Variants in PCDHGC5 observed in about 807,000 individuals in gnomAD.
The protein encoded by PCDHGC5 is protocadherin gamma-C5.
In PCDHGC5, 25 loss-of-function variants were observed where a neutral mutation model predicts 59.0. The observed-to-expected ratio is 0.42, with a 90% CI of 0.31 to 0.59. PCDHGC5 has a LOEUF of 0.59. Among genes scored for constraint, PCDHGC5 ranks in the 20% least tolerant of loss-of-function variants. The pLI is 0.13. For synonymous variants in PCDHGC5, 434 were observed against 505.5 expected (o/e 0.86, Z 1.90); for missense variants, 1,067 against 1,206.4 (o/e 0.88, Z 1.71).
In PCDHGC5 at chr5:141,500,452, G is replaced by A. The variant is rs554196222; in HGVS notation, c.2520-4941G>A. 2.6e-3 allele frequency among the ~76,000 whole-genome samples: 398 copies of A among 151,620 alleles called. 2 individuals carry two copies. The highest frequency in any genetic ancestry group is 0.021 in the South Asian group (99 of 4,798). On this transcript the variant is annotated intron_variant, in intron 2 of 3. Transcript: ENST00000252087. ...TCTCGATCTCCTGACCTCGTGATCC[G>A]CCCGCCTCGGCCTCCCAAAGTGCTG... is the stretch of plus-strand genomic sequence containing the variant.
intron 3 of PCDHGC5, 62 bp downstream of exon 3, chr5:141,505,543 C>T: frequency 6.2e-7 from 1 of 1,609,636 alleles, no homozygotes; most frequent in Non-Finnish European, 8.5e-7. Flanking sequence ...GTGCATCTCA[C>T]AGCCACCATG....
chr5:141,506,435 G>A (rs1470687416), intron 3 of PCDHGC5, among the ~76,000 whole-genome samples: 7 of 126,234 alleles, frequency 5.5e-5, no homozygotes, highest in African/African-American at 2.0e-4. Context: ...CAACAGTCTC[G>A]CTCTGTCTCA....
intron 2 of PCDHGC5, among the ~76,000 whole-genome samples, chr5:141,503,456 A>G (rs920770738): frequency 1.3e-5 from 2 of 152,058 alleles, no homozygotes; most frequent in African/African-American, 4.8e-5. Context: ...TTCGCTGGGC[A>G]TGGTGGCATG....
chr5:141,491,500 G>A lies in PCDHGC5; in HGVS notation c.2260G>A (p.Asp754Asn). ...QSSPNLQVSS[D>N]GTLKYMEVTL... ...CAGCCCCAACCTGCAGGTGAGCTCG[G>A]ACGGCACGCTCAAGTACATGGAGGT... Residue 754 changes from aspartate to asparagine, a missense_variant, in exon 1 of 4, where the codon GAC becomes AAC. Transcript: ENST00000252087. The surrounding 1 kb of genome is among the most constrained non-coding windows in gnomAD (Gnocchi z 6.9). 3 of 1,614,102 alleles carry A rather than the reference G, an allele frequency of 1.9e-6. No homozygotes were observed. The highest frequency in any genetic ancestry group is 2.7e-5 in the African/African-American group (2 of 75,066).
rs4042104 is a variant in PCDHGC5 at position 141,489,091 on chromosome 5, T to TAAG, written c.-147_-145dup. On this transcript the variant is annotated 5_prime_UTR_variant, in exon 1 of 4. Transcript: ENST00000252087. This position sits in a 1 kb window ranked among gnomAD's most constrained non-coding sequence, Gnocchi z 4.5. Reference sequence around the variant, plus strand: ...CTGCCCACCCCCGCCACTCGGTGACTAAGAACTGCTGCAAGCAGGCAAACC... The same window carrying TAAG: ...CTGCCCACCCCCGCCACTCGGTGACTAAGAAGAACTGCTGCAAGCAGGCAAACC... 136,009 of 332,164 alleles carry TAAG rather than the reference T, an allele frequency of 0.41. 28,517 individuals are homozygous for TAAG. The highest frequency in any genetic ancestry group is 0.54 in the Admixed American group (11,651 of 21,676). The allele number at this position is 332,164 out of a possible 1,614,324, so 20.6% of individuals were successfully genotyped here.
intron 3 of PCDHGC5, among the ~76,000 whole-genome samples, chr5:141,509,056 G>A (rs1303823294): frequency 1.3e-5 from 2 of 152,178 alleles, no homozygotes; most frequent in Admixed American, 6.5e-5. Context: ...CCCCCAGAAA[G>A]CTCTCAGCTC....
chr5:141,505,294 G>A, intron 2 of PCDHGC5, 99 bp from the exon 3 acceptor site: 1 of 1,572,086 alleles, frequency 6.4e-7, no homozygotes, highest in Non-Finnish European at 8.6e-7. Flanking sequence ...GCATGGGGTA[G>A]GGTTAGGGTA....
At chr5:141,500,026 T>G (rs1297397353) in intron 2 of PCDHGC5, among the ~76,000 whole-genome samples, 1 of 151,974 alleles carries the variant, frequency 6.6e-6, no homozygotes, top group Non-Finnish European at 1.5e-5. Flanking sequence ...TATATTTGAG[T>G]GAGTGTCTCT....
At chr5:141,501,116 C>T (rs1325487254) in intron 2 of PCDHGC5, among the ~76,000 whole-genome samples, 1 of 152,154 alleles carries the variant, frequency 6.6e-6, no homozygotes, top group Non-Finnish European at 1.5e-5. Flanking sequence ...ATCCGCCTGC[C>T]TCAGCCTCCC....
At position 141,489,097 on chromosome 5, in the gene PCDHGC5, C is replaced by A; in HGVS notation, c.-144C>A. ...ACCCCCGCCACTCGGTGACTAAGAA[C>A]TGCTGCAAGCAGGCAAACCTCCGAG... On this transcript the variant is annotated 5_prime_UTR_variant, in exon 1 of 4. The change creates a new upstream start codon in the 5' untranslated region. Transcript: ENST00000252087. This position sits in a 1 kb window ranked among gnomAD's most constrained non-coding sequence, Gnocchi z 4.5. The A allele has an allele frequency of 2.6e-5, 8 of 313,358 alleles. No homozygotes were observed. Among genetic ancestry groups the A allele is most frequent in the Non-Finnish European group, 3.5e-5 (6 of 172,456 alleles). The allele number at this position is 313,358 out of a possible 1,614,324, so 19.4% of individuals were successfully genotyped here. A position where few individuals can be genotyped will look rare whatever the true frequency, so the allele number is the denominator to read the frequency against.
chr5:141,510,069 CCAGCAGAGTGCCTGG>C (rs994886462), intron 3 of PCDHGC5, among the ~76,000 whole-genome samples: 12 of 152,260 alleles, frequency 7.9e-5, no homozygotes, highest in Admixed American at 7.8e-4. Context: ...TGTGAAGCAT[CCAGCAGAGTGCCTGG>C]CACACAGTAG....
rs1326296096 is a variant in PCDHGC5, at chr5:141,505,460, A to G, written c.2587A>G (p.Met863Val). The change falls in exon 3 of 4, where the codon ATG becomes GTG. Residue 863 changes from methionine to valine, a missense_variant. Transcript: ENST00000252087. Reference protein sequence around the residue: ...NQFDTEMLQAMILASASEAAD... With the variant: ...NQFDTEMLQAVILASASEAAD... ...GTTTGACACAGAGATGCTGCAAGCC[A>G]TGATCTTGGCGTCCGCCAGTGGTAA... 2 of 1,614,070 alleles carry G rather than the reference A, an allele frequency of 1.2e-6. No homozygotes were observed. The highest frequency in any genetic ancestry group is 1.3e-5 in the African/African-American group (1 of 74,942).
In PCDHGC5 at chr5:141,512,088, A is replaced by G. The variant is rs192947391; in HGVS notation, c.*915A>G. 2.6e-5 allele frequency: 4 copies of G among 152,772 alleles called. No individual in the cohort carries two copies. Among genetic ancestry groups the G allele is most frequent in the Admixed American group, 6.5e-5 (1 of 15,306 alleles). 9.5% of individuals were successfully genotyped at this position (152,772 alleles called of 1,614,324 possible). On this transcript the variant is annotated 3_prime_UTR_variant, in exon 4 of 4. Transcript: ENST00000252087. ...TCCTCCAGATTCCAGCCATAAACCAATAACTAGGCTGGACCCTTCCCACTA... is the reference window on the plus strand; with the variant it reads ...TCCTCCAGATTCCAGCCATAAACCAGTAACTAGGCTGGACCCTTCCCACTA...
chr5:141,497,384 A>G (rs2099776099), intron 2 of PCDHGC5, among the ~76,000 whole-genome samples: 1 of 151,900 alleles, frequency 6.6e-6, no homozygotes, highest in African/African-American at 2.4e-5. Context: ...TGGGGTGAGC[A>G]CCTTACCCCT....
rs980122657 is a variant in PCDHGC5, at chr5:141,511,379, C to G, written c.*206C>G. The G allele has an allele frequency of 2.9e-5, 34 of 1,169,842 alleles. No individual in the cohort carries two copies. The highest frequency in any genetic ancestry group is 3.9e-5 in the Non-Finnish European group (33 of 853,834). The allele number at this position is 1,169,842 out of a possible 1,614,324, so 72.5% of individuals were successfully genotyped here. ...GGGGGTTGAATATGCAAAAGCAGTT[C>G]CGCTGGGAACCCCCATCCAATCAAC... On this transcript the variant is annotated 3_prime_UTR_variant, in exon 4 of 4. Transcript: ENST00000252087.
At chr5:141,505,536 C>T (rs749205049) in intron 3 of PCDHGC5, 55 bp downstream of exon 3, 9 of 1,610,164 alleles carry the variant, frequency 5.6e-6, no homozygotes, top group Non-Finnish European at 7.6e-6. Context: ...TTCTGGGGTG[C>T]ATCTCACAGC....
At chr5:141,496,928 G>A (rs2099772685) in intron 2 of PCDHGC5, among the ~76,000 whole-genome samples, 1 of 151,334 alleles carries the variant, frequency 6.6e-6, no homozygotes, top group Non-Finnish European at 1.5e-5. Context: ...GTTCACGCCT[G>A]TAATCCCAGC....
chr5:141,494,678 G>A, intron 1 of PCDHGC5, 129 bp from the exon 2 acceptor site: 1 of 1,554,384 alleles, frequency 6.4e-7, no homozygotes, highest in Non-Finnish European at 8.7e-7. Flanking sequence ...GTCCACCCCT[G>A]CCCCCTCTTA....
At chr5:141,492,859 C>G (rs966216924) in intron 1 of PCDHGC5, among the ~76,000 whole-genome samples, 1 of 152,232 alleles carries the variant, frequency 6.6e-6, no homozygotes, top group Non-Finnish European at 1.5e-5. Context: ...CTCGAGCGCC[C>G]TGGCTCTCAA....
Sources: gnomAD v4.1 joint callset for allele counts (sites outside exome capture counted in the v4.1 genomes callset) on GRCh38, gnomAD v4.1.1 for gene constraint, Gnocchi (gnomAD v3.1) non-coding constraint, MANE v1.5 for transcripts, NCBI Gene and HGNC (gene_info 2026-07-23, HGNC 2026-07-21) for gene names.